Variants in ZFHX3 observed in about 807,000 individuals in gnomAD.
ZFHX3 encodes zinc finger homeobox 3.
Under a neutral mutation model 279.1 loss-of-function variants are expected in ZFHX3, and 42 were observed. The observed-to-expected ratio is 0.15, with a 90% confidence interval of 0.12 to 0.19. The LOEUF is 0.19. Ranked by LOEUF, ZFHX3 falls within the 10% of genes least tolerant of loss-of-function variation. The pLI is 1.00. For synonymous variants in ZFHX3, 2,293 were observed against 1,957.8 expected, an observed-to-expected ratio of 1.17 and a Z score of -4.52; for missense variants, 4,981 against 4,754.0, an observed-to-expected ratio of 1.05 and a Z score of -1.40.
intron 1 of ZFHX3, among the ~76,000 whole-genome samples, chr16:73,044,600 G>T (rs1965225988): frequency 6.6e-6 from 1 of 150,850 alleles, no homozygotes; most frequent in African/African-American, 2.4e-5. Flanking sequence ...TAAAAGGTGA[G>T]TGTTTGTTTG....
chr16:73,841,997 T>C (rs1318159275), intron 1 of ZFHX3, among the ~76,000 whole-genome samples: 1 of 151,856 alleles, frequency 6.6e-6, no homozygotes, highest in African/African-American at 2.4e-5. Context: ...GGTGGATCAC[T>C]TGAGGTCAGG....
upstream of ZFHX3, among the ~76,000 whole-genome samples, chr16:73,052,309 C>T (rs1002776132): frequency 6.7e-6 from 1 of 149,656 alleles, no homozygotes; most frequent in Non-Finnish European, 1.5e-5. Flanking sequence ...AATGCTATAT[C>T]GAAAGTACAA....
intron 1 of ZFHX3, among the ~76,000 whole-genome samples, chr16:73,722,182 C>T (rs113252169): frequency 1.2e-4 from 19 of 152,342 alleles, no homozygotes; most frequent in African/African-American, 4.6e-4. Flanking sequence ...AGGTCCCTGC[C>T]TTCATGGAAC....
At chr16:73,629,833 C>A (rs545219572) in intron 2 of ZFHX3, among the ~76,000 whole-genome samples, 1 of 151,996 alleles carries the variant, frequency 6.6e-6, no homozygotes, top group Admixed American at 6.5e-5. Flanking sequence ...AAGGCACAGG[C>A]GACAAGACAG....
chr16:72,994,770 C>A (rs1279157389), intron 1 of ZFHX3, among the ~76,000 whole-genome samples: 1 of 152,216 alleles, frequency 6.6e-6, no homozygotes, highest in Non-Finnish European at 1.5e-5. Flanking sequence ...CAAGGTTCCT[C>A]CTGACGGAAC....
chr16:73,865,553 A>G (rs868711433), intron 1 of ZFHX3, among the ~76,000 whole-genome samples: 1 of 152,150 alleles, frequency 6.6e-6, no homozygotes, highest in Non-Finnish European at 1.5e-5. Context: ...TCACAATTAC[A>G]CAATTGCACC....
At chr16:73,594,273 T>C (rs983409438) in intron 2 of ZFHX3, among the ~76,000 whole-genome samples, 2 of 152,086 alleles carry the variant, frequency 1.3e-5, no homozygotes, top group African/African-American at 4.8e-5. Context: ...ATAAAATACA[T>C]CTAGAAATAA....
At position 72,959,568 on chromosome 16, in the gene ZFHX3, T is replaced by C. The variant is rs766294787; in HGVS notation, c.578A>G (p.Gln193Arg). The change falls in exon 2 of 10, where the codon CAG becomes CGG. Residue 193 changes from glutamine (Q) to arginine (R), a missense_variant. Around this residue, in one of 7 missense-constraint regions of ZFHX3, gnomAD observed 1,068 missense variants for 935.2 expected, o/e 1.14. Coordinates refer to ENST00000268489, the MANE Select transcript of ZFHX3 (RefSeq NM_006885.4). ...DPSCAAPVYPQIINTFHIASS... is the reference protein window; with the variant it reads ...DPSCAAPVYPRIINTFHIASS... ...GGCTATGTGGAAAGTGTTGATGATC[T>C]GCGGGTACACGGGTGCAGCACACGA... is the stretch of plus-strand genomic sequence containing the variant. 6.2e-7 allele frequency: 1 copy of C among 1,614,228 alleles called. No individual in the cohort carries two copies. Among genetic ancestry groups the C allele is most frequent in the South Asian group, 1.1e-5 (1 of 91,090 alleles).
At chr16:72,902,794 C>A (rs554204555) in intron 3 of ZFHX3, among the ~76,000 whole-genome samples, 19 of 152,054 alleles carry the variant, frequency 1.2e-4, no homozygotes, top group Non-Finnish European at 2.5e-4. Flanking sequence ...GGCTGAGGAG[C>A]CTTTCATGGA....
At chr16:72,803,322 A>G (rs2266934) in intron 7 of ZFHX3, among the ~76,000 whole-genome samples, 5,096 of 151,996 alleles carry the variant, frequency 0.034, 623 homozygotes, top group East Asian at 0.29. Flanking sequence ...ACAGAGTGAG[A>G]CTCTGTCTCC....
intron 9 of ZFHX3, chr16:72,790,402 T>C (rs951919043): frequency 6.6e-6 from 1 of 152,110 alleles, no homozygotes; most frequent in Non-Finnish European, 1.5e-5. Flanking sequence ...CCTCACCTGC[T>C]GGAAAGCTGG....
At chr16:72,978,623 C>T (rs1041080869) in intron 1 of ZFHX3, among the ~76,000 whole-genome samples, 3 of 152,290 alleles carry the variant, frequency 2.0e-5, no homozygotes, top group South Asian at 2.1e-4. Context: ...AGGAGAGCAT[C>T]GGCCGGGGGT....
At chr16:73,511,483 T>C (rs1329049348) in intron 2 of ZFHX3, among the ~76,000 whole-genome samples, 1 of 152,232 alleles carries the variant, frequency 6.6e-6, no homozygotes, top group East Asian at 1.9e-4. Flanking sequence ...GAAGGTGGAC[T>C]ATGAAATTCT....
chr16:72,915,403 A>G (rs990535612), intron 3 of ZFHX3, among the ~76,000 whole-genome samples: 11 of 152,228 alleles, frequency 7.2e-5, no homozygotes, highest in Admixed American at 1.3e-4. Flanking sequence ...GTCCGGGATC[A>G]GCGTGGCGGG....
chr16:73,854,583 G>A (rs1390220414), intron 1 of ZFHX3, among the ~76,000 whole-genome samples: 1 of 151,854 alleles, frequency 6.6e-6, no homozygotes, highest in Admixed American at 6.6e-5. Flanking sequence ...CTAAAAGAAT[G>A]AATATATAGA....
intron 5 of ZFHX3, among the ~76,000 whole-genome samples, chr16:73,238,118 A>G (rs1447966334): frequency 2.6e-5 from 4 of 151,958 alleles, no homozygotes; most frequent in Admixed American, 2.6e-4. Flanking sequence ...TTCCTTCTTC[A>G]TTTCTGGTTA....
At chr16:72,848,321 A>G (rs1251263027) in intron 4 of ZFHX3, among the ~76,000 whole-genome samples, 1 of 151,780 alleles carries the variant, frequency 6.6e-6, no homozygotes, top group African/African-American at 2.4e-5. Context: ...CCTATTCACG[A>G]GCCCTATTGA....
At chr16:73,768,327 G>A (rs56409228) in intron 1 of ZFHX3, among the ~76,000 whole-genome samples, 37,264 of 152,140 alleles carry the variant, frequency 0.24, 5,173 homozygotes, top group Non-Finnish European at 0.32. Context: ...AAGAAAGGAT[G>A]GGAGCAGACA....
chr16:73,771,213 G>T (rs1340259671), intron 1 of ZFHX3, among the ~76,000 whole-genome samples: 1 of 152,180 alleles, frequency 6.6e-6, no homozygotes, highest in Non-Finnish European at 1.5e-5. Flanking sequence ...CCCTACCAAT[G>T]TTACCACAGC....
Sources: gnomAD v4.1 joint callset for allele counts (sites outside exome capture counted in the v4.1 genomes callset) on GRCh38, gnomAD v4.1.1 for gene constraint, gnomAD v4.1.1 regional missense constraint, MANE v1.5 for transcripts, NCBI Gene and HGNC (gene_info 2026-07-23, HGNC 2026-07-21) for gene names.